Variants in ARHGAP25 observed in about 807,000 individuals in gnomAD.
The protein encoded by ARHGAP25 is rho GTPase-activating protein 25.
In ARHGAP25, 34 loss-of-function variants were observed where a neutral mutation model predicts 71.0. That is an observed-to-expected ratio of 0.48 (90% CI 0.36 to 0.64). ARHGAP25 has a LOEUF of 0.64. Ranked by LOEUF, ARHGAP25 falls within the 30% of genes least tolerant of loss-of-function variation. ARHGAP25 has a pLI of 0.00. For missense variants in ARHGAP25, 706 were observed against 805.1 expected (o/e 0.88, Z 1.49); for synonymous variants, 282 against 296.5 (o/e 0.95, Z 0.50).
intron 2 of ARHGAP25, among the ~76,000 whole-genome samples, chr2:68,779,186 A>G (rs1198457955): frequency 6.6e-6 from 1 of 152,130 alleles, no homozygotes; most frequent in East Asian, 1.9e-4. Context: ...TGGCCCTCTG[A>G]TGGGAGAGCC....
At chr2:68,787,999 T>C in intron 4 of ARHGAP25, 43 bp downstream of exon 4, 1 of 1,489,372 alleles carries the variant, frequency 6.7e-7, no homozygotes, top group Non-Finnish European at 9.4e-7. Flanking sequence ...GCCTATGACA[T>C]CTCAGAAAGT....
chr2:68,775,500 A>G (rs770505146), intron 2 of ARHGAP25, 80 bp downstream of exon 2: 133 of 1,596,320 alleles, frequency 8.3e-5, no homozygotes, highest in Non-Finnish European at 1.1e-4. Context: ...ACTTAAACTC[A>G]CAGGGGCCTT....
At chr2:68,735,424 T>C in intron 1 of ARHGAP25, 164 bp downstream of exon 1, 1 of 701,236 alleles carries the variant, frequency 1.4e-6, no homozygotes, top group Non-Finnish European at 2.5e-6. Context: ...GTCCAAGTTC[T>C]AAAATGCTGG....
intron 3 of ARHGAP25, among the ~76,000 whole-genome samples, chr2:68,783,972 C>A (rs185970378): frequency 8.7e-4 from 132 of 152,306 alleles, no homozygotes; most frequent in African/African-American, 3.1e-3. Flanking sequence ...GGTTTTCAAT[C>A]TAGAGTAACC....
At chr2:68,741,036 T>C (rs1419313295) in intron 1 of ARHGAP25, among the ~76,000 whole-genome samples, 2 of 152,222 alleles carry the variant, frequency 1.3e-5, no homozygotes, top group Non-Finnish European at 2.9e-5. Context: ...GAAGAAAATA[T>C]TTCATGCGTA....
At chr2:68,799,389 A>G (rs1679799599) in intron 4 of ARHGAP25, among the ~76,000 whole-genome samples, 2 of 152,186 alleles carry the variant, frequency 1.3e-5, no homozygotes, top group South Asian at 4.1e-4. Flanking sequence ...TCAGGAGGAC[A>G]AAATCATCTC....
At chr2:68,787,763 T>C (rs909538347) in intron 3 of ARHGAP25, 77 bp from the exon 4 acceptor site, 1 of 1,163,474 alleles carries the variant, frequency 8.6e-7, no homozygotes, top group Admixed American at 1.7e-5. Flanking sequence ...TCAATTTAGG[T>C]CTGGTTCCCT....
intron 4 of ARHGAP25, among the ~76,000 whole-genome samples, chr2:68,799,710 C>T (rs536574712): frequency 6.6e-6 from 1 of 152,182 alleles, no homozygotes; most frequent in East Asian, 1.9e-4. Context: ...CTGGAGAGTC[C>T]TGTGTGTAAA....
At chr2:68,808,405 C>G (rs1476539706) in intron 5 of ARHGAP25, among the ~76,000 whole-genome samples, 2 of 152,114 alleles carry the variant, frequency 1.3e-5, no homozygotes, top group African/African-American at 4.8e-5. Context: ...TAGAAGCTCC[C>G]TCACCCCTCA....
At chr2:68,729,973 A>T (rs778186640), upstream of ARHGAP25, among the ~76,000 whole-genome samples, 20 of 152,264 alleles carry the variant, frequency 1.3e-4, no homozygotes, top group Middle Eastern at 3.2e-3. Context: ...CATATCTCCA[A>T]TGCTCAATGA....
chr2:68,781,650 T>C (rs2104388942), intron 2 of ARHGAP25, among the ~76,000 whole-genome samples: 1 of 152,352 alleles, frequency 6.6e-6, no homozygotes, highest in African/African-American at 2.4e-5. Context: ...TTACTAGCTC[T>C]ATGACTTTGG....
intron 2 of ARHGAP25, among the ~76,000 whole-genome samples, chr2:68,728,207 A>G (rs1007638692): frequency 6.6e-5 from 10 of 152,236 alleles, no homozygotes; most frequent in Admixed American, 1.3e-4. Flanking sequence ...CCAGCCAATA[A>G]GCAAATGAAA....
chr2:68,731,673 T>C (rs1319056108), upstream of ARHGAP25, among the ~76,000 whole-genome samples: 1 of 152,100 alleles, frequency 6.6e-6, no homozygotes, highest in Non-Finnish European at 1.5e-5. Context: ...CCGTGCCTCA[T>C]TCATATTGTT....
Position 68,816,271 on chromosome 2 carries a change from G to C in ARHGAP25, c.808-18G>C, listed in dbSNP as rs768976938. On this transcript the variant is annotated intron_variant, in intron 6 of 10. Coordinates refer to ENST00000409202, the MANE Select transcript of ARHGAP25 (RefSeq NM_001007231.3). ...TCATTTACTGGTAAATGATTTACTTGTGTAAATCTCTTCCCAGGCTCAGCA... is the reference window on the plus strand; with the variant it reads ...TCATTTACTGGTAAATGATTTACTTCTGTAAATCTCTTCCCAGGCTCAGCA... The C allele has an allele frequency of 6.2e-7, 1 of 1,602,056 alleles. No homozygotes were observed. Among genetic ancestry groups the C allele is most frequent in the South Asian group, 1.1e-5 (1 of 90,828 alleles).
chr2:68,732,380 G>A (rs115456684), upstream of ARHGAP25, among the ~76,000 whole-genome samples: 686 of 152,310 alleles, frequency 4.5e-3, 7 homozygotes, highest in African/African-American at 0.016. Context: ...CAGTTTAAAG[G>A]TCCCAGGACT....
At chr2:68,812,727 G>A (rs1033823406) in intron 5 of ARHGAP25, among the ~76,000 whole-genome samples, 2 of 152,176 alleles carry the variant, frequency 1.3e-5, no homozygotes, top group African/African-American at 4.8e-5. Flanking sequence ...TGGATTGGAT[G>A]GCTACTGATG....
intron 2 of ARHGAP25, among the ~76,000 whole-genome samples, chr2:68,723,051 C>T (rs1000994268): frequency 1.2e-4 from 18 of 152,124 alleles, no homozygotes; most frequent in African/African-American, 3.1e-4. Flanking sequence ...CTTCTTGAAC[C>T]GGCCATTCCA....
At chr2:68,822,941 A>G (rs1488065657) in intron 10 of ARHGAP25, 69 bp downstream of exon 10, 1 of 1,460,462 alleles carries the variant, frequency 6.8e-7, no homozygotes, top group Admixed American at 2.2e-5. Context: ...GATTGTTCCC[A>G]TCCGCCAGAG....
intron 5 of ARHGAP25, 84 bp downstream of exon 5, chr2:68,807,564 T>A: frequency 1.5e-6 from 2 of 1,373,090 alleles, no homozygotes; most frequent in African/African-American, 1.4e-5. Context: ...CCAGTTGAGC[T>A]ATGGGACTTG....
Sources: allele counts gnomAD v4.1 joint callset (sites outside exome capture counted in the v4.1 genomes callset), GRCh38; gene constraint gnomAD v4.1.1; transcripts MANE v1.5; gene names NCBI Gene and HGNC (gene_info 2026-07-23, HGNC 2026-07-21).